Variants in NBAS observed in about 807,000 individuals in gnomAD.
The protein encoded by NBAS is NBAS subunit of NRZ tethering complex.
A neutral mutation model predicts 302.5 loss-of-function variants in NBAS; 219 were observed. That is an observed-to-expected ratio of 0.72 (90% confidence interval 0.65 to 0.81). The LOEUF is 0.81. Ranked by LOEUF, NBAS falls within the 30% of genes least tolerant of loss-of-function variation. The pLI is 0.00. For missense variants in NBAS, 2,932 were observed against 2,841.6 expected (o/e 1.03, Z -0.72); for synonymous variants, 1,118 against 1,021.6 (o/e 1.09, Z -1.80).
the NBAS span, among the ~76,000 whole-genome samples, chr2:14,800,197 G>A: frequency 6.6e-6 from 1 of 152,156 alleles, no homozygotes; most frequent in Non-Finnish European, 1.5e-5. Flanking sequence ...GTTTGGCTGT[G>A]TCCCCCACCC....
chr2:15,277,127 T>C (rs1558496804), intron 42 of NBAS, 26 bp from the exon 43 acceptor site: 2 of 1,608,204 alleles, frequency 1.2e-6, no homozygotes. Context: ...AAAGGAACTG[T>C]GTTAAGATTT....
intron 35 of NBAS, among the ~76,000 whole-genome samples, chr2:15,337,869 A>T (rs143184189): frequency 2.4e-4 from 36 of 152,320 alleles, no homozygotes; most frequent in African/African-American, 7.9e-4. Context: ...TTACCCCCGA[A>T]ATGATTACTA....
chr2:15,023,131 A>G, the NBAS span, among the ~76,000 whole-genome samples: 11 of 152,112 alleles, frequency 7.2e-5, no homozygotes, highest in African/African-American at 2.7e-4. Flanking sequence ...TATAGGATGC[A>G]TTTTGTCAGT....
the NBAS span, among the ~76,000 whole-genome samples, chr2:15,143,299 C>G: frequency 6.6e-6 from 1 of 152,140 alleles, no homozygotes; most frequent in Non-Finnish European, 1.5e-5. Flanking sequence ...GCAGCAAGTC[C>G]GCGTCTGCAG....
intron 7 of NBAS, among the ~76,000 whole-genome samples, chr2:15,538,632 A>C (rs1273009166): frequency 2.6e-5 from 4 of 152,182 alleles, no homozygotes; most frequent in Admixed American, 6.5e-5. Context: ...TTGATGAAGG[A>C]GGATAGAAAC....
intron 38 of NBAS, among the ~76,000 whole-genome samples, chr2:15,318,955 G>A (rs1013749578): frequency 2.0e-5 from 3 of 152,080 alleles, no homozygotes; most frequent in African/African-American, 4.8e-5. Context: ...CATTCTTCTT[G>A]CACCACATCA....
intron 49 of NBAS, 133 bp downstream of exon 49, chr2:15,190,131 C>A: frequency 9.7e-7 from 1 of 1,025,766 alleles, no homozygotes; most frequent in Non-Finnish European, 1.4e-6. Flanking sequence ...TTTTAAATTC[C>A]TCTAAAGGCA....
intron 48 of NBAS, among the ~76,000 whole-genome samples, chr2:15,203,462 T>G (rs1208009903): frequency 6.6e-6 from 1 of 152,216 alleles, no homozygotes; most frequent in Non-Finnish European, 1.5e-5. Flanking sequence ...CTGTTGTACT[T>G]CTAGAGTTTT....
intron 21 of NBAS, among the ~76,000 whole-genome samples, chr2:15,432,256 T>A (rs12692266): frequency 6.6e-6 from 1 of 150,498 alleles, no homozygotes; most frequent in African/African-American, 2.4e-5. Flanking sequence ...AGTCTTAAGA[T>A]TTAAATACAT....
chr2:15,151,001 G>A, the NBAS span, among the ~76,000 whole-genome samples: 1 of 152,188 alleles, frequency 6.6e-6, no homozygotes, highest in Non-Finnish European at 1.5e-5. Context: ...TCAACGGTGT[G>A]TAGACAAATT....
intron 9 of NBAS, among the ~76,000 whole-genome samples, chr2:15,517,317 A>C (rs1004400986): frequency 6.6e-6 from 1 of 152,210 alleles, no homozygotes; most frequent in African/African-American, 2.4e-5. Flanking sequence ...CTGAAAAATT[A>C]GAAATATTTC....
At chr2:15,096,807 C>T in the NBAS span, among the ~76,000 whole-genome samples, 1 of 151,922 alleles carries the variant, frequency 6.6e-6, no homozygotes, top group East Asian at 1.9e-4. Flanking sequence ...ACTTCACCCA[C>T]AAAAAAAATA....
rs766171764 is a variant in NBAS, at chr2:15,402,345, T to C, written c.2938-44A>G. ...GTTGTACTAAATGTCAACAGATTTA[T>C]AGTCAATTTTTCCATATCCCAATAC... On this transcript the variant is annotated intron_variant, in intron 25 of 51. Transcript: ENST00000281513. 4.0e-5 allele frequency: 64 copies of C among 1,599,584 alleles called. No homozygotes were observed. In the Admixed American group the frequency reaches 7.5e-4, roughly 19 times the overall value.
At chr2:15,162,296 T>TC (rs1293201373), downstream of NBAS, among the ~76,000 whole-genome samples, 3 of 152,232 alleles carry the variant, frequency 2.0e-5, no homozygotes, top group African/African-American at 7.2e-5. Context: ...CCCTCCCCTT[T>TC]CACTAGTGAA....
the NBAS span, among the ~76,000 whole-genome samples, chr2:15,026,889 C>T: frequency 1.3e-5 from 2 of 152,082 alleles, no homozygotes; most frequent in Non-Finnish European, 2.9e-5. Flanking sequence ...GTGCCAGCTT[C>T]GTTTCTTAAA....
chr2:15,541,421 C>T (rs954241042), intron 6 of NBAS, among the ~76,000 whole-genome samples: 15 of 152,104 alleles, frequency 9.9e-5, no homozygotes, highest in African/African-American at 2.4e-4. Context: ...AATTCTATAA[C>T]GGAAGTCATC....
At chr2:14,995,618 G>T in the NBAS span, among the ~76,000 whole-genome samples, 1,906 of 152,238 alleles carry the variant, frequency 0.013, 49 homozygotes, top group African/African-American at 0.044. Flanking sequence ...GCTTTGTTCA[G>T]CAAATGCAGA....
chr2:15,240,361 G>A (rs1434384318), intron 44 of NBAS, among the ~76,000 whole-genome samples: 2 of 151,118 alleles, frequency 1.3e-5, no homozygotes, highest in African/African-American at 2.4e-5. Flanking sequence ...CCAGGACTTT[G>A]GGAGGCCAAG....
the NBAS span, among the ~76,000 whole-genome samples, chr2:14,784,912 TA>T: frequency 1.3e-5 from 2 of 152,206 alleles, no homozygotes; most frequent in African/African-American, 4.8e-5. Context: ...CCTTGGGCAG[TA>T]AGGCAATTTT....
Sources: gnomAD v4.1 joint callset for allele counts (sites outside exome capture counted in the v4.1 genomes callset) on GRCh38, gnomAD v4.1.1 for gene constraint, MANE v1.5 for transcripts, NCBI Gene and HGNC (gene_info 2026-07-23, HGNC 2026-07-21) for gene names.